The following ANK3 variants were observed in gnomAD, a reference collection of about 807,000 sequenced individuals.
The protein encoded by ANK3 is ankyrin 3, also known as ankyrin-3.
ANK3 carries 57 observed loss-of-function variants against 370.9 expected under a neutral mutation model. The ratio of observed to expected loss-of-function variants is 0.15; its 90% CI spans 0.12 to 0.19. The LOEUF is 0.19. Ranked by LOEUF, ANK3 falls within the 10% of genes least tolerant of loss-of-function variation. ANK3 has a pLI of 1.00. For synonymous variants in ANK3, 1,929 were observed against 1,946.3 expected (o/e 0.99, Z 0.23); for missense variants, 4,439 against 5,302.1 (o/e 0.84, Z 5.06).
chr10:60,568,695 T>G (rs2077519691), intron 2 of ANK3, among the ~76,000 whole-genome samples: 1 of 152,184 alleles, frequency 6.6e-6, no homozygotes, highest in African/African-American at 2.4e-5. Flanking sequence ...TAGTATACCC[T>G]TCTTTGGATG....
chr10:60,554,535 T>G (rs1212576229), intron 2 of ANK3, among the ~76,000 whole-genome samples: 1 of 152,126 alleles, frequency 6.6e-6, no homozygotes, highest in African/African-American at 2.4e-5. Context: ...GGTATCAGGT[T>G]TTGTAGCACA....
At chr10:60,615,016 C>T (rs1489164419) in intron 2 of ANK3, among the ~76,000 whole-genome samples, 2 of 152,072 alleles carry the variant, frequency 1.3e-5, no homozygotes, top group Admixed American at 6.6e-5. Flanking sequence ...GTATAAAAGC[C>T]TTCAAATTGT....
intron 1 of ANK3, among the ~76,000 whole-genome samples, chr10:60,296,767 G>A (rs1400374640): frequency 6.6e-6 from 1 of 152,134 alleles, no homozygotes; most frequent in Non-Finnish European, 1.5e-5. Flanking sequence ...GAGAGCCTAA[G>A]AGTCTGAGAT....
At chr10:60,345,880 T>C (rs1424772664) in intron 1 of ANK3, among the ~76,000 whole-genome samples, 1 of 152,140 alleles carries the variant, frequency 6.6e-6, no homozygotes, top group Non-Finnish European at 1.5e-5. Flanking sequence ...TAGCAATTGA[T>C]TCTAGGAGCA....
At chr10:60,481,464 G>GAT (rs57285526) in intron 2 of ANK3, among the ~76,000 whole-genome samples, 33,327 of 150,890 alleles carry the variant, frequency 0.22, 3,873 homozygotes, top group East Asian at 0.47. Context: ...ACACAAGGAA[G>GAT]ATATATATAT....
chr10:60,081,978 C>T (rs148516641), intron 35 of ANK3, 172 bp downstream of exon 35: 90 of 458,072 alleles, frequency 2.0e-4, no homozygotes, highest in East Asian at 1.7e-3. Context: ...CTCTTAAGTA[C>T]GTGTGGAAGA....
intron 43 of ANK3, among the ~76,000 whole-genome samples, chr10:60,041,312 G>C (rs1489458738): frequency 6.6e-6 from 1 of 152,190 alleles, no homozygotes; most frequent in African/African-American, 2.4e-5. Flanking sequence ...TTACAGGGAT[G>C]ACTGACTGCT....
chr10:60,267,912 C>T (rs1474741066), intron 5 of ANK3, among the ~76,000 whole-genome samples: 1 of 152,194 alleles, frequency 6.6e-6, no homozygotes, highest in Non-Finnish European at 1.5e-5. Flanking sequence ...TTCCCCTGTC[C>T]GCTAGGACAC....
intron 2 of ANK3, among the ~76,000 whole-genome samples, chr10:60,466,143 T>G (rs191373582): frequency 4.2e-4 from 64 of 152,210 alleles, no homozygotes; most frequent in African/African-American, 1.3e-3. Context: ...GAAAAACGGG[T>G]ATAGAAAATA....
intron 21 of ANK3, among the ~76,000 whole-genome samples, chr10:60,167,656 GTTTT>G (rs139178305): frequency 3.4e-5 from 5 of 146,826 alleles, no homozygotes; most frequent in Non-Finnish European, 6.0e-5. Flanking sequence ...TTAAAAGTGA[GTTTT>G]TTTTTTGTTT....
In ANK3 at chr10:60,059,446, T is replaced by A; in HGVS notation, c.12596-16A>T. On this transcript the variant is annotated splice_polypyrimidine_tract_variant and intron_variant, in intron 40 of 43. Transcript: ENST00000280772. The stretch of plus-strand genomic sequence containing the variant: ...TTCTGCCAACCTGTAATTGAAGACA[T>A]TTCCAGTTCTGCTTGCTGAACACGC... The A allele has an allele frequency of 6.2e-7, 1 of 1,606,438 alleles. No homozygotes were observed.
chr10:60,651,616 C>T (rs1195107012), intron 1 of ANK3, among the ~76,000 whole-genome samples: 1 of 152,148 alleles, frequency 6.6e-6, no homozygotes, highest in Non-Finnish European at 1.5e-5. Context: ...GGGCCAGACT[C>T]TCACTTCAAA....
chr10:60,415,986 C>T (rs554636593), intron 2 of ANK3, among the ~76,000 whole-genome samples: 7 of 136,838 alleles, frequency 5.1e-5, no homozygotes, highest in African/African-American at 1.9e-4. Context: ...GACATGAGGC[C>T]TTTGGAAGGT....
chr10:60,082,205 C>A, intron 34 of ANK3, 29 bp from the exon 35 acceptor site: 1 of 1,591,322 alleles, frequency 6.3e-7, no homozygotes, highest in Non-Finnish European at 8.6e-7. Context: ...ATTGCAGAGA[C>A]AAGGAATATT....
chr10:60,412,982 G>T (rs938647532), intron 2 of ANK3, among the ~76,000 whole-genome samples: 1 of 152,128 alleles, frequency 6.6e-6, no homozygotes, highest in African/African-American at 2.4e-5. Context: ...ATCGATAAAA[G>T]GTTGGATCAT....
chr10:60,515,885 TA>T (rs917430040), intron 2 of ANK3, among the ~76,000 whole-genome samples: 1 of 152,174 alleles, frequency 6.6e-6, no homozygotes, highest in African/African-American at 2.4e-5. Flanking sequence ...ACCAACTATG[TA>T]CCAGGCCCAG....
At chr10:60,037,418 C>T (rs915975392) in intron 43 of ANK3, among the ~76,000 whole-genome samples, 1 of 152,104 alleles carries the variant, frequency 6.6e-6, no homozygotes, top group Non-Finnish European at 1.5e-5. Flanking sequence ...AAGCCTAGTA[C>T]CCAATAGTTA....
At chr10:60,099,735 G>T (rs1327392377) in intron 28 of ANK3, among the ~76,000 whole-genome samples, 2 of 152,064 alleles carry the variant, frequency 1.3e-5, no homozygotes, top group Non-Finnish European at 2.9e-5. Context: ...CAAAATCCAG[G>T]ATCATAAATA....
At chr10:60,607,264 G>T (rs1192642474) in intron 2 of ANK3, among the ~76,000 whole-genome samples, 2 of 152,052 alleles carry the variant, frequency 1.3e-5, no homozygotes, top group African/African-American at 4.8e-5. Flanking sequence ...TATCTATTTT[G>T]CAGATAGATA....
Sources: gnomAD v4.1 joint callset for allele counts (sites outside exome capture counted in the v4.1 genomes callset) on GRCh38, gnomAD v4.1.1 for gene constraint, MANE v1.5 for transcripts, NCBI Gene and HGNC (gene_info 2026-07-23, HGNC 2026-07-21) for gene names.